RAD17: variants seen among roughly 807,000 people sequenced by gnomAD.
RAD17 encodes the protein cell cycle checkpoint protein RAD17.
A neutral mutation model predicts 81.5 loss-of-function variants in RAD17; 31 were observed. The observed-to-expected ratio is 0.38, with a 90% CI of 0.29 to 0.51. The LOEUF is 0.51. Ranked by LOEUF, RAD17 falls within the 20% of genes least tolerant of loss-of-function variation. The pLI is 0.88. For synonymous variants in RAD17, 261 were observed against 266.2 expected (o/e 0.98, Z 0.19); for missense variants, 681 against 781.2 (o/e 0.87, Z 1.53).
chr5:69,397,844 A>G (rs1366303977), intron 16 of RAD17, among the ~76,000 whole-genome samples: 2 of 152,222 alleles, frequency 1.3e-5, no homozygotes, highest in Non-Finnish European at 2.9e-5. Context: ...ATGGCCGGGC[A>G]TGGTGGCTCA....
At chr5:69,373,778 G>T (rs908312256) in intron 4 of RAD17, 52 bp from the exon 5 acceptor site, 1 of 1,478,324 alleles carries the variant, frequency 6.8e-7, no homozygotes. Flanking sequence ...TTATTTGGGG[G>T]AATAGATGGG....
At chr5:69,377,902 C>T (rs906361605) in intron 6 of RAD17, among the ~76,000 whole-genome samples, 4 of 151,662 alleles carry the variant, frequency 2.6e-5, no homozygotes, top group African/African-American at 9.7e-5. Context: ...AGCAGTCCTC[C>T]CACCTCAGCT....
At chr5:69,392,523 A>T (rs1764611833) in intron 13 of RAD17, among the ~76,000 whole-genome samples, 3 of 152,122 alleles carry the variant, frequency 2.0e-5, no homozygotes, top group Admixed American at 2.0e-4. Context: ...TTAGTGTCCC[A>T]AATAATCCCT....
chr5:69,406,507 G>C (rs576901468), intron 17 of RAD17, among the ~76,000 whole-genome samples: 17 of 152,030 alleles, frequency 1.1e-4, no homozygotes, highest in African/African-American at 3.9e-4. Flanking sequence ...GTGTGGTTTT[G>C]TTTCTTTTTT....
upstream of RAD17, chr5:69,369,407 G>A (rs1762746399): frequency 6.3e-7 from 1 of 1,594,224 alleles, no homozygotes; most frequent in Non-Finnish European, 8.5e-7. Context: ...GATGCCCAGA[G>A]CACTCTGCGC....
intron 4 of RAD17, among the ~76,000 whole-genome samples, chr5:69,372,512 C>G (rs1763068658): frequency 6.6e-6 from 1 of 152,038 alleles, no homozygotes; most frequent in South Asian, 2.1e-4. Context: ...AGATCTGAAG[C>G]TATATTTTTC....
rs1053369457 is a variant in RAD17, at chr5:69,369,905, C to G, written c.-445C>G. 15 of 584,020 alleles carry G rather than the reference C, an allele frequency of 2.6e-5. 1 individual carries two copies. The highest frequency in any genetic ancestry group is 3.0e-6 in the Non-Finnish European group (1 of 331,680). The allele number at this position is 584,020 out of a possible 1,614,324, so 36.2% of individuals were successfully genotyped here. A position where few individuals can be genotyped will look rare whatever the true frequency, so the allele number is the denominator to read the frequency against. ...GTAGTCCCTGGTCGCCTCCGCTCTTCGCCTAAAAGGGGATGCAGCTCCGGG... is the reference window on the plus strand; with the variant it reads ...GTAGTCCCTGGTCGCCTCCGCTCTTGGCCTAAAAGGGGATGCAGCTCCGGG... On this transcript the variant is annotated 5_prime_UTR_variant, in exon 1 of 19. Coordinates refer to ENST00000354868, the MANE Select transcript of RAD17 (RefSeq NM_133338.3).
chr5:69,380,029 C>T (rs1206084699), intron 6 of RAD17, among the ~76,000 whole-genome samples: 3 of 151,916 alleles, frequency 2.0e-5, no homozygotes, highest in African/African-American at 4.8e-5. Context: ...TACAGGAGTG[C>T]ACCACCACGC....
At chr5:69,379,277 A>AT (rs1196354412) in intron 6 of RAD17, among the ~76,000 whole-genome samples, 1 of 152,152 alleles carries the variant, frequency 6.6e-6, no homozygotes, top group Non-Finnish European at 1.5e-5. Context: ...GTTATAAAAG[A>AT]TAAAAAAAAT....
In RAD17 at chr5:69,386,820, T is replaced by A. The variant is rs17229957; in HGVS notation, c.894+355T>A. 5.8e-3 allele frequency among the ~76,000 whole-genome samples: 879 copies of A among 152,292 alleles called. 2 individuals are homozygous for A. The highest frequency in any genetic ancestry group is 8.8e-3 in the Non-Finnish European group (597 of 68,020). On this transcript the variant is annotated intron_variant, in intron 11 of 18. Transcript: ENST00000354868. ...CACTTTTTTATTTTCACATTTTTTT[T>A]AATTATGGTGAAAAACATGTATCAT...
At position 69,371,020 on chromosome 5, in the gene RAD17, A is replaced by C. The variant is rs1209276225; in HGVS notation, c.-416-15A>C. 2 of 254,522 alleles carry C rather than the reference A, an allele frequency of 7.9e-6. No homozygotes were observed. The highest frequency in any genetic ancestry group is 1.6e-5 in the Non-Finnish European group (2 of 121,796). 15.8% of individuals were successfully genotyped at this position (254,522 alleles called of 1,614,324 possible). A position where few individuals can be genotyped will look rare whatever the true frequency, so the allele number is the denominator to read the frequency against. On this transcript the variant is annotated splice_polypyrimidine_tract_variant and intron_variant, in intron 1 of 18. Transcript: ENST00000354868. ...AAAAATTTTACAGTTTAAGACTTAA[A>C]TTCTTCGTCCACAGCAAGTGAATTC...
intron 6 of RAD17, among the ~76,000 whole-genome samples, chr5:69,376,241 C>T (rs934451793): frequency 6.6e-6 from 1 of 152,152 alleles, no homozygotes; most frequent in African/African-American, 2.4e-5. Context: ...TGTGAGTGCC[C>T]AGTTCTCCAT....
chr5:69,404,561 A>C (rs1205077805), intron 17 of RAD17, among the ~76,000 whole-genome samples: 1 of 152,014 alleles, frequency 6.6e-6, no homozygotes, highest in Non-Finnish European at 1.5e-5. Flanking sequence ...TGAGGTCAGG[A>C]GATCGAGACC....
chr5:69,389,124 C>A lies in RAD17; in HGVS notation c.985C>A (p.Leu329Ile). Residue 329 changes from leucine (L) to isoleucine (I), a missense_variant, in exon 12 of 19, where the codon CTC (leucine) becomes ATC (isoleucine). Physicochemically the swap from Leu to Ile is conservative, Grantham distance 5. Coordinates refer to ENST00000354868, the MANE Select transcript of RAD17 (RefSeq NM_133338.3). ...SGDIRSAINS[L>I]QFSSSKGENN... Reference sequence around the variant, plus strand: ...TGATATCAGAAGTGCAATAAACAGCCTCCAGTTTTCTTCTTCAAAAGGTAA... The same window carrying A: ...TGATATCAGAAGTGCAATAAACAGCATCCAGTTTTCTTCTTCAAAAGGTAA... 6.3e-7 allele frequency: 1 copy of A among 1,582,418 alleles called. No homozygotes were observed. Among genetic ancestry groups the A allele is most frequent in the African/African-American group, 1.4e-5 (1 of 73,676 alleles).
At chr5:69,383,148 A>G (rs1312566042) in intron 7 of RAD17, among the ~76,000 whole-genome samples, 1 of 152,126 alleles carries the variant, frequency 6.6e-6, no homozygotes, top group Non-Finnish European at 1.5e-5. Flanking sequence ...CCTTAGCACT[A>G]TCATTTTTAT....
intron 8 of RAD17, among the ~76,000 whole-genome samples, 200 bp downstream of exon 8, chr5:69,385,133 G>A (rs1273990497): frequency 6.6e-6 from 1 of 151,262 alleles, no homozygotes; most frequent in African/African-American, 2.4e-5. Context: ...CTAATTTTTT[G>A]TATTTTTTAG....
intron 6 of RAD17, among the ~76,000 whole-genome samples, chr5:69,376,790 G>C (rs891117535): frequency 3.4e-5 from 5 of 149,036 alleles, no homozygotes; most frequent in Non-Finnish European, 5.9e-5. Flanking sequence ...GTCTTGCTTT[G>C]TCACACAGGC....
chr5:69,408,970 C>T (rs1026439774), intron 17 of RAD17, among the ~76,000 whole-genome samples: 14 of 152,252 alleles, frequency 9.2e-5, no homozygotes, highest in African/African-American at 3.1e-4. Flanking sequence ...TGTCTCTTTC[C>T]CTGGTTTCTT....
At chr5:69,393,015 T>G in intron 13 of RAD17, 140 bp from the exon 14 acceptor site, 126 of 542,938 alleles carry the variant, frequency 2.3e-4, no homozygotes, top group East Asian at 1.3e-4. Flanking sequence ...TTCCAGTTGT[T>G]TTTTATTTAT....
Sources: allele counts gnomAD v4.1 joint callset (sites outside exome capture counted in the v4.1 genomes callset), GRCh38; gene constraint gnomAD v4.1.1; transcripts MANE v1.5; gene names NCBI Gene and HGNC (gene_info 2026-07-23, HGNC 2026-07-21).